Variants in BABAM2 observed in about 807,000 individuals in gnomAD.
BABAM2 encodes BRISC and BRCA1 A complex member 2.
In BABAM2, 31 loss-of-function variants were observed where a neutral mutation model predicts 54.7. The observed-to-expected ratio is 0.57, with a 90% CI of 0.43 to 0.77. The LOEUF (loss-of-function observed/expected upper bound fraction) is 0.77, where lower values mean the gene tolerates loss of function less well. Ranked by LOEUF, BABAM2 falls within the 30% of genes least tolerant of loss-of-function variation. BABAM2 has a pLI of 0.00. For missense variants in BABAM2, 364 were observed against 455.8 expected (o/e 0.80, Z 1.83); for synonymous variants, 167 against 162.9 (o/e 1.03, Z -0.19).
intron 3 of BABAM2, among the ~76,000 whole-genome samples, chr2:27,971,106 T>G (rs544608690): frequency 3.9e-5 from 6 of 152,238 alleles, no homozygotes; most frequent in Admixed American, 3.9e-4. Context: ...TAAAGATACC[T>G]TTTCTCAATT....
At chr2:27,980,167 T>C (rs1462119563) in intron 3 of BABAM2, among the ~76,000 whole-genome samples, 2 of 152,146 alleles carry the variant, frequency 1.3e-5, no homozygotes, top group Admixed American at 6.6e-5. Context: ...GTAACACTTC[T>C]TCCTTTTTTT....
chr2:28,085,626 C>T (rs1054039836), intron 6 of BABAM2, among the ~76,000 whole-genome samples: 1 of 152,130 alleles, frequency 6.6e-6, no homozygotes, highest in Non-Finnish European at 1.5e-5. Context: ...AATGACCTCT[C>T]TAAAATTTAA....
intron 2 of BABAM2, among the ~76,000 whole-genome samples, chr2:27,903,246 A>T (rs1665942007): frequency 6.6e-6 from 1 of 152,098 alleles, no homozygotes; most frequent in East Asian, 1.9e-4. Context: ...CCAGTTCCAT[A>T]CTTTCTTAAC....
intron 6 of BABAM2, among the ~76,000 whole-genome samples, chr2:28,062,761 G>A (rs531693757): frequency 6.6e-6 from 1 of 152,230 alleles, no homozygotes; most frequent in African/African-American, 2.4e-5. Flanking sequence ...CTAGGGCTTA[G>A]TATCATTGGT....
At chr2:28,333,004 C>A (rs766966817) in intron 11 of BABAM2, among the ~76,000 whole-genome samples, 17 of 152,104 alleles carry the variant, frequency 1.1e-4, no homozygotes, top group Non-Finnish European at 2.5e-4. Context: ...GGACAAGGAC[C>A]CTAGACCTCT....
At position 27,976,931 on chromosome 2, in the gene BABAM2, A is replaced by G. The variant is rs906581731; in HGVS notation, c.206-11062A>G. ...CTTCTAAGAAGAGGAGGCAAATTTA[A>G]ATGACCTAAGTTTAGCCTCTGCCCC... On this transcript the variant is annotated intron_variant, in intron 3 of 11. Transcript: ENST00000379624. Among the ~76,000 whole-genome samples, 3 of 152,118 alleles carry G rather than the reference A, an allele frequency of 2.0e-5. 1 individual carries two copies. In the South Asian group the frequency reaches 6.2e-4, roughly 31 times the overall value.
chr2:28,128,657 A>G (rs1310466790), intron 6 of BABAM2, among the ~76,000 whole-genome samples: 1 of 152,204 alleles, frequency 6.6e-6, no homozygotes, highest in Non-Finnish European at 1.5e-5. Flanking sequence ...TTATTGGTAC[A>G]TACTTGGATC....
At chr2:28,047,693 A>G (rs1677691866) in intron 6 of BABAM2, among the ~76,000 whole-genome samples, 1 of 152,206 alleles carries the variant, frequency 6.6e-6, no homozygotes, top group South Asian at 2.1e-4. Context: ...CAAAACAGTA[A>G]TGTTGTTTAA....
At chr2:28,186,962 A>C (rs1676367100) in intron 7 of BABAM2, among the ~76,000 whole-genome samples, 1 of 151,928 alleles carries the variant, frequency 6.6e-6, no homozygotes, top group Non-Finnish European at 1.5e-5. Context: ...CCCGCCAACA[A>C]GCCCGGCTAA....
intron 11 of BABAM2, among the ~76,000 whole-genome samples, chr2:28,332,643 G>C (rs534078545): frequency 6.6e-6 from 1 of 152,152 alleles, no homozygotes; most frequent in Non-Finnish European, 1.5e-5. Flanking sequence ...CCCTGCTCTT[G>C]GCAGCCGGAG....
intron 7 of BABAM2, among the ~76,000 whole-genome samples, chr2:28,153,680 T>G (rs1672266637): frequency 6.6e-6 from 1 of 152,194 alleles, no homozygotes; most frequent in Non-Finnish European, 1.5e-5. Context: ...TGGGAACTTG[T>G]TAACAGTGTA....
intron 4 of BABAM2, among the ~76,000 whole-genome samples, chr2:28,004,131 C>CAAA (rs60410658): frequency 2.0e-4 from 28 of 136,874 alleles, no homozygotes; most frequent in Non-Finnish European, 2.8e-4. Flanking sequence ...TTTTAAAAAG[C>CAAA]AAAAAAAAAA....
chr2:28,272,281 A>G (rs1685484285), intron 10 of BABAM2, among the ~76,000 whole-genome samples: 1 of 152,264 alleles, frequency 6.6e-6, no homozygotes, highest in Admixed American at 6.5e-5. Flanking sequence ...TAAATTAAAT[A>G]TCAAGTTTTT....
intron 11 of BABAM2, chr2:28,309,915 C>T (rs2148277223): frequency 1.6e-6 from 1 of 639,710 alleles, no homozygotes; most frequent in Middle Eastern, 4.4e-4. Context: ...CAAGGCCTTC[C>T]ATTCCGCACG....
At chr2:28,165,458 TA>T (rs1273275020) in intron 7 of BABAM2, among the ~76,000 whole-genome samples, 2 of 150,218 alleles carry the variant, frequency 1.3e-5, no homozygotes, top group African/African-American at 4.9e-5. Context: ...ATGCCAAGTT[TA>T]AAAATCTGGA....
chr2:27,968,837 G>T (rs750308963), intron 3 of BABAM2, among the ~76,000 whole-genome samples: 2 of 152,178 alleles, frequency 1.3e-5, no homozygotes, highest in Non-Finnish European at 2.9e-5. Context: ...AGGTAGAAGG[G>T]ACTTGCCTTG....
intron 7 of BABAM2, among the ~76,000 whole-genome samples, chr2:28,167,817 A>G: frequency 6.6e-6 from 1 of 152,318 alleles, no homozygotes; most frequent in East Asian, 1.9e-4. Flanking sequence ...TAAAATAGTT[A>G]ACCTATATTC....
intron 7 of BABAM2, among the ~76,000 whole-genome samples, chr2:28,215,829 T>C (rs1679871658): frequency 6.6e-6 from 1 of 152,180 alleles, no homozygotes; most frequent in African/African-American, 2.4e-5. Flanking sequence ...TTTTTCAGGT[T>C]TTCATAGTTA....
chr2:28,008,104 C>T (rs1263763621), intron 4 of BABAM2, among the ~76,000 whole-genome samples: 1 of 152,060 alleles, frequency 6.6e-6, no homozygotes, highest in Non-Finnish European at 1.5e-5. Context: ...TCCTGTCCTC[C>T]CATAGTTTAT....
Sources: allele counts gnomAD v4.1 joint callset (sites outside exome capture counted in the v4.1 genomes callset), GRCh38; gene constraint gnomAD v4.1.1; transcripts MANE v1.5; gene names NCBI Gene and HGNC (gene_info 2026-07-23, HGNC 2026-07-21).